The following OSBPL8 variants were observed in gnomAD, a reference collection of about 807,000 sequenced individuals.
OSBPL8 encodes oxysterol-binding protein-related protein 8.
Under a neutral mutation model 125.5 loss-of-function variants are expected in OSBPL8, and 59 were observed. The ratio of observed to expected loss-of-function variants is 0.47; its 90% CI spans 0.38 to 0.58. The LOEUF (loss-of-function observed/expected upper bound fraction) is 0.58, where lower values mean the gene tolerates loss of function less well. OSBPL8 is among the 20% of genes least tolerant of loss of function. The pLI is 0.00. For missense variants in OSBPL8, 758 were observed against 1,047.8 expected, an observed-to-expected ratio of 0.72 and a Z score of 3.82; for synonymous variants, 330 against 338.9, an observed-to-expected ratio of 0.97 and a Z score of 0.29.
At chr12:76,491,347 A>C (rs193218383) in intron 1 of OSBPL8, among the ~76,000 whole-genome samples, 1 of 152,344 alleles carries the variant, frequency 6.6e-6, no homozygotes, top group Admixed American at 6.5e-5. Context: ...TTATTCCTTC[A>C]AACAGATAAC....
At chr12:76,488,600 T>C (rs972338566) in intron 1 of OSBPL8, among the ~76,000 whole-genome samples, 1 of 152,194 alleles carries the variant, frequency 6.6e-6, no homozygotes, top group Admixed American at 6.5e-5. Context: ...CTGTGATCAA[T>C]AATCCTTGAT....
rs144839475 is a variant in OSBPL8, at chr12:76,529,251, C to T, written c.-68+30146G>A. Among the ~76,000 whole-genome samples the T allele has an allele frequency of 1.9e-3, 293 of 152,180 alleles. 2 individuals are homozygous for T. Among genetic ancestry groups the T allele is most frequent in the Middle Eastern group, 6.8e-3 (2 of 294 alleles). On this transcript the variant is annotated intron_variant, in intron 1 of 23. Transcript: ENST00000261183. ...TAAGGTGCACACTATAAGGAAAATA[C>T]AAGATAATGCTAAAACTTCAGAAAA...
intron 7 of OSBPL8, 70 bp from the exon 8 acceptor site, chr12:76,397,967 T>A: frequency 7.7e-7 from 1 of 1,300,062 alleles, no homozygotes; most frequent in Non-Finnish European, 1.1e-6. Flanking sequence ...ATACTGCAAA[T>A]AAGATGTTTT....
intron 3 of OSBPL8, among the ~76,000 whole-genome samples, chr12:76,451,502 TAG>T (rs905853775): frequency 6.6e-6 from 1 of 152,214 alleles, no homozygotes; most frequent in African/African-American, 2.4e-5. Context: ...ATAACTGTTT[TAG>T]AGAGGAGGAA....
chr12:76,493,890 T>C (rs370881918), intron 1 of OSBPL8, among the ~76,000 whole-genome samples: 5 of 152,186 alleles, frequency 3.3e-5, no homozygotes, highest in African/African-American at 1.2e-4. Context: ...TTTCATTCTT[T>C]TTCTTTTCTG....
chr12:76,498,815 G>A (rs1362784646), intron 1 of OSBPL8, among the ~76,000 whole-genome samples: 1 of 149,914 alleles, frequency 6.7e-6, no homozygotes, highest in East Asian at 2.0e-4. Flanking sequence ...GACCTCCCAG[G>A]CTCAGGTGAT....
At position 76,353,043 on chromosome 12, in the gene OSBPL8, A is replaced by G. The variant is rs1951875929; in HGVS notation, c.*2846T>C. On this transcript the variant is annotated 3_prime_UTR_variant, in exon 24 of 24. Transcript: ENST00000261183. ...ACCCTTTTATGACAAGCCTATAAACACCTTGAATCACATTATAGTTCTGTA... is the reference window on the plus strand; with the variant it reads ...ACCCTTTTATGACAAGCCTATAAACGCCTTGAATCACATTATAGTTCTGTA... 6.6e-6 allele frequency: 1 copy of G among 152,448 alleles called. No homozygotes were observed. The highest frequency in any genetic ancestry group is 1.5e-5 in the Non-Finnish European group (1 of 67,878). 9.4% of individuals were successfully genotyped at this position (152,448 alleles called of 1,614,324 possible).
At chr12:76,398,295 C>T (rs1320340808) in intron 7 of OSBPL8, among the ~76,000 whole-genome samples, 1 of 152,172 alleles carries the variant, frequency 6.6e-6, no homozygotes, top group Non-Finnish European at 1.5e-5. Flanking sequence ...TTCACCACAT[C>T]AACAGTGCTG....
At chr12:76,451,138 A>G in intron 3 of OSBPL8, 150 bp from the exon 4 acceptor site, 1 of 878,962 alleles carries the variant, frequency 1.1e-6, no homozygotes, top group South Asian at 2.0e-5. Flanking sequence ...TCTCACAGTC[A>G]TCTTGTTTTC....
intron 1 of OSBPL8, among the ~76,000 whole-genome samples, chr12:76,550,965 T>C (rs1950919055): frequency 6.6e-6 from 1 of 152,050 alleles, no homozygotes; most frequent in Admixed American, 6.6e-5. Context: ...TCCTAGCTAC[T>C]GGGGAAGGTG....
chr12:76,541,481 A>T (rs1565983902), intron 1 of OSBPL8, among the ~76,000 whole-genome samples: 2 of 151,770 alleles, frequency 1.3e-5, no homozygotes, highest in South Asian at 2.1e-4. Context: ...CTGTCTCAAA[A>T]AATAATAATA....
chr12:76,383,881 A>G lies in OSBPL8; in HGVS notation c.1630+373T>C, dbSNP rs142499259. On this transcript the variant is annotated intron_variant, in intron 15 of 23. Transcript: ENST00000261183. Reference sequence around the variant, plus strand: ...TGACTGACCCTGGGCCAGGTATCGTAACCATACTTGGATTCTTCCTCTCTG... The same window carrying G: ...TGACTGACCCTGGGCCAGGTATCGTGACCATACTTGGATTCTTCCTCTCTG... Among the ~76,000 whole-genome samples, 331 of 152,260 alleles carry G rather than the reference A, an allele frequency of 2.2e-3. 2 individuals carry two copies. The highest frequency in any genetic ancestry group is 7.4e-3 in the African/African-American group (306 of 41,560).
rs781703112 is a variant in OSBPL8 at position 76,384,328 on chromosome 12, G to A, written c.1556C>T (p.Ser519Phe). 2.6e-6 allele frequency: 4 copies of A among 1,552,102 alleles called. No individual in the cohort carries two copies. In the South Asian group the frequency reaches 3.8e-5, roughly 15 times the overall value. The change falls in exon 15 of 24, where the codon TCT becomes TTT. Residue 519 changes from serine (S) to phenylalanine (F), a missense_variant. Ser to Phe is a radical substitution (Grantham distance 155). Around this residue, in one of 3 missense-constraint regions of OSBPL8, gnomAD observed 572 missense variants for 762.0 expected, o/e 0.75. Coordinates refer to ENST00000261183, the MANE Select transcript of OSBPL8 (RefSeq NM_020841.5). ...AEQVSHHPPI[S>F]AFYVSNRKDG... ...TTTTCGATTACTAACATAAAAGGCA[G>A]ATATTGGTGGATGATGGGACACCTA...
chr12:76,435,738 A>T (rs2136617129), intron 4 of OSBPL8, among the ~76,000 whole-genome samples: 1 of 152,276 alleles, frequency 6.6e-6, no homozygotes, highest in East Asian at 1.9e-4. Context: ...AGGGAAAAAA[A>T]TGAGTGACAT....
chr12:76,518,326 G>C (rs985759688), intron 1 of OSBPL8, among the ~76,000 whole-genome samples: 1 of 152,192 alleles, frequency 6.6e-6, no homozygotes, highest in African/African-American at 2.4e-5. Flanking sequence ...GCAACCTTGT[G>C]TGAGGGGTGG....
At chr12:76,404,956 T>C (rs553937661) in intron 5 of OSBPL8, among the ~76,000 whole-genome samples, 1 of 152,314 alleles carries the variant, frequency 6.6e-6, no homozygotes, top group South Asian at 2.1e-4. Context: ...TAGGAGATAG[T>C]AGTTGTATCC....
intron 1 of OSBPL8, among the ~76,000 whole-genome samples, chr12:76,541,314 C>A (rs887016791): frequency 4.0e-5 from 6 of 151,794 alleles, no homozygotes; most frequent in African/African-American, 1.5e-4. Flanking sequence ...CCCATCTCCA[C>A]TAAAAACACA....
At chr12:76,414,407 A>G (rs1868364787) in intron 4 of OSBPL8, among the ~76,000 whole-genome samples, 1 of 149,790 alleles carries the variant, frequency 6.7e-6, no homozygotes, top group South Asian at 2.1e-4. Flanking sequence ...ATATTGGTAC[A>G]TATATTAATA....
rs764189256 is a variant in OSBPL8, at chr12:76,356,691, T to C, written c.2472A>G (p.Gly824=). 6.2e-7 allele frequency: 1 copy of C among 1,610,198 alleles called. No individual in the cohort carries two copies. Among genetic ancestry groups the C allele is most frequent in the Admixed American group, 1.7e-5 (1 of 59,660 alleles). Residue 824 remains glycine (G), a synonymous_variant, in exon 23 of 24, where the codon GGA becomes GGG. Coordinates refer to ENST00000261183, the MANE Select transcript of OSBPL8 (RefSeq NM_020841.5). ...SVKPSTRRKK[G]IELGDIQSSI... ...AACTCTGAATGTCTCCCAGTTCTAT[T>C]CCTTTCTTTCTTCTTGTACTTGGTT...
Sources: gnomAD v4.1 joint callset for allele counts (sites outside exome capture counted in the v4.1 genomes callset) on GRCh38, gnomAD v4.1.1 for gene constraint, gnomAD v4.1.1 regional missense constraint, MANE v1.5 for transcripts, NCBI Gene and HGNC (gene_info 2026-07-23, HGNC 2026-07-21) for gene names.